GRIK4: variants seen among roughly 807,000 people sequenced by gnomAD.
The protein encoded by GRIK4 is glutamate receptor ionotropic, kainate 4.
In GRIK4, 40 loss-of-function variants were observed where a neutral mutation model predicts 104.9. That is an observed-to-expected ratio of 0.38 (90% CI 0.30 to 0.50). The LOEUF is 0.50. Ranked by LOEUF, GRIK4 falls within the 20% of genes least tolerant of loss-of-function variation. The pLI is 0.93. For synonymous variants in GRIK4, 485 were observed against 524.9 expected, an observed-to-expected ratio of 0.92 and a Z score of 1.04; for missense variants, 1,047 against 1,308.1, an observed-to-expected ratio of 0.80 and a Z score of 3.08.
At chr11:120,786,927 T>C (rs1483024992) in intron 3 of GRIK4, among the ~76,000 whole-genome samples, 1 of 152,210 alleles carries the variant, frequency 6.6e-6, no homozygotes, top group Non-Finnish European at 1.5e-5. Context: ...GGTGGAGATG[T>C]GCTTTAAATA....
At chr11:120,923,429 T>TTTTC (rs1943267203) in intron 13 of GRIK4, among the ~76,000 whole-genome samples, 1 of 138,436 alleles carries the variant, frequency 7.2e-6, no homozygotes, top group Non-Finnish European at 1.5e-5. Context: ...TTTTTTTTTT[T>TTTTC]GGAGACGGAG....
At chr11:120,900,395 T>A (rs1390957298) in intron 12 of GRIK4, among the ~76,000 whole-genome samples, 2 of 152,210 alleles carry the variant, frequency 1.3e-5, no homozygotes, top group African/African-American at 4.8e-5. Context: ...ATTCATTTAT[T>A]TATGTGATGA....
At chr11:120,539,627 T>C (rs571107544) in intron 1 of GRIK4, among the ~76,000 whole-genome samples, 11 of 152,320 alleles carry the variant, frequency 7.2e-5, no homozygotes, top group African/African-American at 1.9e-4. Flanking sequence ...TTAATTTGAA[T>C]GGCCATCAGC....
rs75437563 is a variant in GRIK4 at position 120,580,988 on chromosome 11, C to T, written c.-159+69101C>T. On this transcript the variant is annotated intron_variant, in intron 1 of 20. Coordinates refer to ENST00000527524, the MANE Select transcript of GRIK4 (RefSeq NM_014619.5). ...TTTTATGAGGCGTATGGTTGTATCT[C>T]ATGGTAGTTTTAATTTGCATTTCCC... is the stretch of plus-strand genomic sequence containing the variant. 0.013 allele frequency among the ~76,000 whole-genome samples: 2,051 copies of T among 152,272 alleles called. 96 individuals are homozygous for T. In the East Asian group the frequency reaches 0.15, roughly 11 times the overall value.
intron 4 of GRIK4, among the ~76,000 whole-genome samples, chr11:120,809,718 A>G (rs981026459): frequency 6.6e-6 from 1 of 152,242 alleles, no homozygotes; most frequent in Admixed American, 6.5e-5. Flanking sequence ...TGGCAGGCGC[A>G]GGCCCACAAA....
At chr11:120,883,397 A>G (rs1272035288) in intron 11 of GRIK4, among the ~76,000 whole-genome samples, 1 of 152,164 alleles carries the variant, frequency 6.6e-6, no homozygotes, top group Non-Finnish European at 1.5e-5. Flanking sequence ...CCCTCCAATC[A>G]CTGATATCTT....
chr11:120,959,759 A>G (rs914462256), intron 16 of GRIK4, among the ~76,000 whole-genome samples: 2 of 152,234 alleles, frequency 1.3e-5, no homozygotes, highest in African/African-American at 4.8e-5. Flanking sequence ...TAGCATGACC[A>G]TTGTAAGAGT....
intron 1 of GRIK4, among the ~76,000 whole-genome samples, chr11:120,593,809 C>T (rs918934059): frequency 3.9e-5 from 6 of 152,170 alleles, no homozygotes; most frequent in Admixed American, 1.3e-4. Flanking sequence ...TACCTCTTTC[C>T]CCATCTCAGT....
chr11:120,961,673 A>G (rs1205794152), intron 17 of GRIK4, among the ~76,000 whole-genome samples: 4 of 152,228 alleles, frequency 2.6e-5, no homozygotes, highest in African/African-American at 9.6e-5. Flanking sequence ...TTCGCTGTCA[A>G]GCAAACTGAT....
At chr11:120,870,511 A>C (rs1954576343) in intron 9 of GRIK4, 1 of 151,922 alleles carries the variant, frequency 6.6e-6, no homozygotes, top group South Asian at 2.1e-4. Context: ...AGATTGCCCC[A>C]AGTTGTCCTG....
At chr11:120,645,733 G>A (rs1042736723) in intron 1 of GRIK4, among the ~76,000 whole-genome samples, 1 of 152,194 alleles carries the variant, frequency 6.6e-6, no homozygotes, top group Non-Finnish European at 1.5e-5. Flanking sequence ...TGTGGTTCCT[G>A]AGAGTTCCCT....
chr11:120,535,584 A>G (rs1565541737), intron 1 of GRIK4, among the ~76,000 whole-genome samples: 1 of 152,070 alleles, frequency 6.6e-6, no homozygotes, highest in Non-Finnish European at 1.5e-5. Context: ...TGTGTAGGGC[A>G]AGGTCACTAA....
At chr11:120,845,240 T>G (rs1045688235) in intron 8 of GRIK4, among the ~76,000 whole-genome samples, 2 of 152,210 alleles carry the variant, frequency 1.3e-5, no homozygotes, top group Non-Finnish European at 2.9e-5. Flanking sequence ...CAGAGAGAAC[T>G]TGAGTTCCTA....
chr11:120,880,978 C>T (rs1196554449), intron 11 of GRIK4, among the ~76,000 whole-genome samples: 1 of 152,174 alleles, frequency 6.6e-6, no homozygotes, highest in East Asian at 1.9e-4. Flanking sequence ...AAACTGCAGC[C>T]AGGTCTTACT....
intron 16 of GRIK4, among the ~76,000 whole-genome samples, chr11:120,958,131 C>T (rs1390678156): frequency 2.0e-5 from 3 of 152,224 alleles, no homozygotes; most frequent in African/African-American, 7.2e-5. Flanking sequence ...GGATGTCGAT[C>T]TCCTTCTCCC....
chr11:120,570,411 T>C (rs1179047186), intron 1 of GRIK4, among the ~76,000 whole-genome samples: 2 of 152,226 alleles, frequency 1.3e-5, no homozygotes, highest in East Asian at 1.9e-4. Flanking sequence ...TATGTGTGCA[T>C]TGCTATATTT....
chr11:120,702,251 G>A (rs1950565712), intron 3 of GRIK4, among the ~76,000 whole-genome samples: 1 of 149,498 alleles, frequency 6.7e-6, no homozygotes, highest in Non-Finnish European at 1.5e-5. Flanking sequence ...ACTGCGCCTG[G>A]CGACTCCAAG....
chr11:120,891,054 C>T (rs1490884575), intron 11 of GRIK4, among the ~76,000 whole-genome samples: 2 of 152,214 alleles, frequency 1.3e-5, no homozygotes, highest in Non-Finnish European at 2.9e-5. Flanking sequence ...TTTTTACCTA[C>T]TTGAGAGGGA....
intron 3 of GRIK4, among the ~76,000 whole-genome samples, chr11:120,709,292 T>A (rs769687515): frequency 5.9e-5 from 9 of 151,800 alleles, no homozygotes; most frequent in Non-Finnish European, 1.2e-4. Flanking sequence ...ACCCCCAATC[T>A]CATGGCAGTT....
Sources: allele counts gnomAD v4.1 joint callset (sites outside exome capture counted in the v4.1 genomes callset), GRCh38; gene constraint gnomAD v4.1.1; transcripts MANE v1.5; gene names NCBI Gene and HGNC (gene_info 2026-07-23, HGNC 2026-07-21).